The following PAQR5 variants were observed in gnomAD, a reference collection of about 807,000 sequenced individuals.
PAQR5 encodes membrane progestin receptor gamma.
A neutral mutation model predicts 34.5 loss-of-function variants in PAQR5; 20 were observed. That is an observed-to-expected ratio of 0.58 (90% CI 0.41 to 0.84). The LOEUF (loss-of-function observed/expected upper bound fraction) is 0.84, where lower values mean the gene tolerates loss of function less well. Ranked by LOEUF, PAQR5 falls within the 40% of genes least tolerant of loss-of-function variation. The pLI is 0.00. For missense variants in PAQR5, 378 were observed against 412.7 expected, an observed-to-expected ratio of 0.92 and a Z score of 0.73; for synonymous variants, 131 against 155.6, an observed-to-expected ratio of 0.84 and a Z score of 1.18.
intron 5 of PAQR5, 124 bp from the exon 6 acceptor site, chr15:69,389,530 A>G: frequency 8.1e-7 from 1 of 1,230,542 alleles, no homozygotes; most frequent in Non-Finnish European, 1.2e-6. Context: ...GGCACCAGCG[A>G]GGGCGCAGAG....
chr15:69,361,150 G>A (rs970223627), intron 3 of PAQR5, among the ~76,000 whole-genome samples: 1 of 152,160 alleles, frequency 6.6e-6, no homozygotes, highest in Admixed American at 6.5e-5. Context: ...GTTCTCACAG[G>A]GCAATCACCT....
chr15:69,369,253 C>T (rs969074162), intron 3 of PAQR5, among the ~76,000 whole-genome samples: 4 of 151,930 alleles, frequency 2.6e-5, no homozygotes, highest in African/African-American at 4.8e-5. Context: ...AGTAGAAATC[C>T]GGCTGGGTGT....
intron 2 of PAQR5, among the ~76,000 whole-genome samples, chr15:69,347,065 AC>A (rs1479712896): frequency 1.3e-5 from 2 of 152,118 alleles, no homozygotes; most frequent in Non-Finnish European, 2.9e-5. Context: ...CAGGTGACCC[AC>A]CTGCCTCGGC....
intron 1 of PAQR5, among the ~76,000 whole-genome samples, chr15:69,329,807 T>C (rs949005244): frequency 3.9e-5 from 6 of 152,156 alleles, no homozygotes; most frequent in African/African-American, 1.4e-4. Flanking sequence ...TTTTAAATCA[T>C]CCTAAAAGTT....
chr15:69,316,732 A>G (rs1221035545), intron 1 of PAQR5, among the ~76,000 whole-genome samples: 1 of 152,162 alleles, frequency 6.6e-6, no homozygotes, highest in Non-Finnish European at 1.5e-5. Context: ...AAACACCCCA[A>G]AGAGGTAGTT....
chr15:69,382,692 A>ATG (rs1567032577), intron 4 of PAQR5, among the ~76,000 whole-genome samples: 29 of 85,962 alleles, frequency 3.4e-4, no homozygotes, highest in African/African-American at 1.1e-3. Flanking sequence ...ATATATATAT[A>ATG]TATATATATA....
intron 4 of PAQR5, among the ~76,000 whole-genome samples, chr15:69,381,552 G>A (rs1293680827): frequency 6.6e-6 from 1 of 152,100 alleles, no homozygotes. Context: ...ATCCCTGTAG[G>A]GTGATTTTTT....
At chr15:69,340,838 C>T (rs989475509) in intron 2 of PAQR5, among the ~76,000 whole-genome samples, 6 of 152,086 alleles carry the variant, frequency 3.9e-5, no homozygotes, top group Non-Finnish European at 7.4e-5. Context: ...AACTAGTCTG[C>T]GCTTCTCACA....
At chr15:69,377,325 A>G (rs1437121454) in intron 3 of PAQR5, among the ~76,000 whole-genome samples, 1 of 152,178 alleles carries the variant, frequency 6.6e-6, no homozygotes, top group Non-Finnish European at 1.5e-5. Context: ...CACAGGATCA[A>G]AGGCTGAAGG....
chr15:69,326,602 A>G (rs938268541), intron 1 of PAQR5, among the ~76,000 whole-genome samples: 8 of 151,960 alleles, frequency 5.3e-5, no homozygotes, highest in African/African-American at 1.7e-4. Flanking sequence ...ACATCTGTCT[A>G]ATTTTTGTAT....
At chr15:69,301,160 A>C (rs28417058) in intron 1 of PAQR5, among the ~76,000 whole-genome samples, 102,693 of 149,824 alleles carry the variant, frequency 0.69, 35,478 homozygotes, top group Middle Eastern at 0.73. Flanking sequence ...CCTGCCACCA[A>C]ACACAGCTAA....
At chr15:69,319,722 G>A (rs918268473) in intron 1 of PAQR5, among the ~76,000 whole-genome samples, 1 of 152,122 alleles carries the variant, frequency 6.6e-6, no homozygotes, top group Non-Finnish European at 1.5e-5. Context: ...GACATTTTTG[G>A]AGCAGGGAGC....
chr15:69,329,270 C>T (rs555586315), intron 1 of PAQR5, among the ~76,000 whole-genome samples: 77 of 152,170 alleles, frequency 5.1e-4, no homozygotes, highest in Admixed American at 8.5e-4. Flanking sequence ...CCCTGAGGTC[C>T]ATCCATGGAT....
intron 1 of PAQR5, among the ~76,000 whole-genome samples, chr15:69,301,900 A>C (rs888956047): frequency 1.2e-5 from 1 of 84,468 alleles, no homozygotes; most frequent in Non-Finnish European, 2.4e-5. Context: ...TTTTTTTAGC[A>C]CAGTGTTAGG....
chr15:69,330,631 C>G (rs920474315), intron 1 of PAQR5, among the ~76,000 whole-genome samples: 9 of 152,092 alleles, frequency 5.9e-5, no homozygotes, highest in African/African-American at 2.2e-4. Flanking sequence ...CTTCGACTCC[C>G]TATGATTTCA....
intron 1 of PAQR5, among the ~76,000 whole-genome samples, chr15:69,303,397 G>A (rs1039264590): frequency 3.3e-5 from 5 of 152,210 alleles, no homozygotes; most frequent in Admixed American, 3.3e-4. Flanking sequence ...CACATGAGGC[G>A]ATTGGTGAGT....
In PAQR5 at chr15:69,389,599, G is replaced by T; in HGVS notation, c.386-55G>T. On this transcript the variant is annotated intron_variant, in intron 5 of 8. Coordinates refer to ENST00000395407, the MANE Select transcript of PAQR5 (RefSeq NM_017705.4). ...ATGCTGGGGACAGTCTTTGCAAGGG[G>T]CCCATGTGGTGCCAAGGCCTGGCTC... 4 of 1,609,698 alleles carry T rather than the reference G, an allele frequency of 2.5e-6. No individual in the cohort carries two copies. The Admixed American group carries it at 5.0e-5, about 20-fold the overall frequency.
At position 69,392,103 on chromosome 15, in the gene PAQR5, C is replaced by T. The variant is rs550819089; in HGVS notation, c.512+2323C>T. ...ATCCAAGATGGCTTCCCCATGAGCT[C>T]ATAATTCAAATTCTTAGAACACTTG... On this transcript the variant is annotated intron_variant, in intron 6 of 8. Transcript: ENST00000395407. 1.6e-5 allele frequency: 3 copies of T among 192,880 alleles called. No individual in the cohort carries two copies. The South Asian group carries it at 2.3e-4, about 15-fold the overall frequency. The allele number at this position is 192,880 out of a possible 1,614,324, so 11.9% of individuals were successfully genotyped here.
intron 1 of PAQR5, among the ~76,000 whole-genome samples, chr15:69,329,470 T>C (rs1473815365): frequency 4.6e-5 from 6 of 131,284 alleles, no homozygotes; most frequent in Non-Finnish European, 6.5e-5. Flanking sequence ...TTTCTTTTTT[T>C]TTTTTTTTTT....
Sources: allele counts gnomAD v4.1 joint callset (sites outside exome capture counted in the v4.1 genomes callset), GRCh38; gene constraint gnomAD v4.1.1; transcripts MANE v1.5; gene names NCBI Gene and HGNC (gene_info 2026-07-23, HGNC 2026-07-21).